BCKDHB: variants seen among roughly 807,000 people sequenced by gnomAD.
BCKDHB encodes 2-oxoisovalerate dehydrogenase subunit beta, mitochondrial.
BCKDHB carries 41 observed loss-of-function variants against 48.5 expected under a neutral mutation model. The observed-to-expected ratio is 0.85, with a 90% CI of 0.66 to 1.10. The LOEUF is 1.10. Among genes scored for constraint, BCKDHB ranks in the 50% least tolerant of loss-of-function variants. The pLI is 0.00. For synonymous variants in BCKDHB, 201 were observed against 174.8 expected, an observed-to-expected ratio of 1.15 and a Z score of -1.18; for missense variants, 496 against 494.2, an observed-to-expected ratio of 1.00 and a Z score of -0.03.
intron 9 of BCKDHB, among the ~76,000 whole-genome samples, chr6:80,312,437 C>A (rs1768213719): frequency 6.6e-6 from 1 of 152,108 alleles, no homozygotes; most frequent in African/African-American, 2.4e-5. Context: ...TGCCTGATTG[C>A]CCTAGCCAGA....
In BCKDHB at chr6:80,218,709, A is replaced by G. The variant is rs77569029; in HGVS notation, c.951+15497A>G. 9.1e-3 allele frequency among the ~76,000 whole-genome samples: 1,386 copies of G among 152,262 alleles called. 14 individuals are homozygous for G. The highest frequency in any genetic ancestry group is 0.016 in the Non-Finnish European group (1,102 of 68,014). ...TTTTGACCTCTCACTATGTAAGAAG[A>G]TGATGTTAATGCCCTCTACTCCTAT... On this transcript the variant is annotated intron_variant, in intron 8 of 9. Coordinates refer to ENST00000320393, the MANE Select transcript of BCKDHB (RefSeq NM_183050.4).
At chr6:80,144,843 C>G (rs1771400318) in intron 3 of BCKDHB, among the ~76,000 whole-genome samples, 1 of 152,120 alleles carries the variant, frequency 6.6e-6, no homozygotes, top group African/African-American at 2.4e-5. Flanking sequence ...ATTCATTTTA[C>G]TAAGGGAGCA....
the BCKDHB span, among the ~76,000 whole-genome samples, chr6:80,430,497 C>CT: frequency 3.4e-3 from 520 of 152,138 alleles, 3 homozygotes; most frequent in Middle Eastern, 0.027. Context: ...TGGTCCTGGA[C>CT]TTTTTTTGGT....
the BCKDHB span, among the ~76,000 whole-genome samples, chr6:80,419,834 A>C: frequency 6.6e-6 from 1 of 151,722 alleles, no homozygotes; most frequent in South Asian, 2.1e-4. Flanking sequence ...TCTTTTAATT[A>C]TTTTTTTTCT....
intron 8 of BCKDHB, among the ~76,000 whole-genome samples, chr6:80,254,580 G>A (rs892614709): frequency 1.3e-5 from 2 of 151,962 alleles, no homozygotes; most frequent in African/African-American, 4.8e-5. Flanking sequence ...TCCACCTTTG[G>A]TCCCATCTAC....
chr6:80,129,301 C>T, intron 3 of BCKDHB, 72 bp downstream of exon 3: 2 of 1,340,926 alleles, frequency 1.5e-6, no homozygotes, highest in Non-Finnish European at 2.1e-6. Flanking sequence ...ACAAAATATG[C>T]CTACTAAATT....
chr6:80,418,817 G>C, the BCKDHB span, among the ~76,000 whole-genome samples: 1 of 152,182 alleles, frequency 6.6e-6, no homozygotes, highest in African/African-American at 2.4e-5. Flanking sequence ...GCTAGTGGGT[G>C]CCGGGGTTCC....
At chr6:80,261,685 C>T (rs775555502) in intron 8 of BCKDHB, among the ~76,000 whole-genome samples, 3 of 152,010 alleles carry the variant, frequency 2.0e-5, no homozygotes, top group Non-Finnish European at 4.4e-5. Context: ...TCCTTTCTTA[C>T]CCAGCCTTAT....
chr6:80,259,376 T>C lies in BCKDHB; in HGVS notation c.952-13759T>C, dbSNP rs542991963. On this transcript the variant is annotated intron_variant, in intron 8 of 9. Transcript: ENST00000320393. ...CAGGGTAAAGTGATACGCTTTGGCA[T>C]CATAAAGTAGTAGGACCGGGGAGCA... Among the ~76,000 whole-genome samples, 411 of 152,310 alleles carry C rather than the reference T, an allele frequency of 2.7e-3. 2 individuals are homozygous for C. Among genetic ancestry groups the C allele is most frequent in the African/African-American group, 9.2e-3 (381 of 41,574 alleles).
chr6:80,364,423 G>C, the BCKDHB span, among the ~76,000 whole-genome samples: 1 of 152,146 alleles, frequency 6.6e-6, no homozygotes, highest in Non-Finnish European at 1.5e-5. Flanking sequence ...AGGAGATCCA[G>C]GTCTATTTGT....
intron 3 of BCKDHB, among the ~76,000 whole-genome samples, chr6:80,160,401 G>T (rs141261900): frequency 1.0e-3 from 152 of 152,070 alleles, no homozygotes; most frequent in South Asian, 9.8e-3. Flanking sequence ...CAAGTGATCC[G>T]CCCACCTCAG....
the BCKDHB span, chr6:80,356,482 G>T: frequency 6.6e-6 from 1 of 151,984 alleles, no homozygotes; most frequent in Non-Finnish European, 1.5e-5. Context: ...ATAGTAACAT[G>T]GTCATTACAT....
Position 80,201,187 on chromosome 6 carries a change from T to G in BCKDHB, c.840+156T>G, listed in dbSNP as rs77952351. On this transcript the variant is annotated intron_variant, in intron 7 of 9. Coordinates refer to ENST00000320393, the MANE Select transcript of BCKDHB (RefSeq NM_183050.4). ...TAATTTCTTTTTTCCCTCAACTTTATTGGTGTGTAATTGACAAATGAAATT... is the reference window on the plus strand; with the variant it reads ...TAATTTCTTTTTTCCCTCAACTTTAGTGGTGTGTAATTGACAAATGAAATT... 9.3e-3 allele frequency among the ~76,000 whole-genome samples: 1,423 copies of G among 152,324 alleles called. 30 individuals carry two copies. Among genetic ancestry groups the G allele is most frequent in the African/African-American group, 0.033 (1,354 of 41,572 alleles).
At chr6:80,343,437 T>TATATA in intron 9 of BCKDHB, 1 of 569,350 alleles carries the variant, frequency 1.8e-6, no homozygotes, top group Non-Finnish European at 3.1e-6. Context: ...AGACAATAGA[T>TATATA]ATATATACAG....
chr6:80,145,451 AC>A (rs1421004795), intron 3 of BCKDHB, among the ~76,000 whole-genome samples: 1 of 152,180 alleles, frequency 6.6e-6, no homozygotes, highest in African/African-American at 2.4e-5. Context: ...CTAAGTAAAA[AC>A]AATGGGCTTG....
At chr6:80,193,167 T>G (rs1239525859) in intron 6 of BCKDHB, among the ~76,000 whole-genome samples, 1 of 152,162 alleles carries the variant, frequency 6.6e-6, no homozygotes, top group Non-Finnish European at 1.5e-5. Flanking sequence ...TATCTCATTA[T>G]GCAAAAGAAC....
At chr6:80,375,534 T>A in the BCKDHB span, among the ~76,000 whole-genome samples, 1 of 152,162 alleles carries the variant, frequency 6.6e-6, no homozygotes, top group African/African-American at 2.4e-5. Context: ...TGTATTTCAC[T>A]GAAGATTTTT....
At chr6:80,458,702 A>G in the BCKDHB span, among the ~76,000 whole-genome samples, 2 of 152,324 alleles carry the variant, frequency 1.3e-5, no homozygotes, top group East Asian at 1.9e-4. Flanking sequence ...TCAATAAATG[A>G]TAGTTATTAT....
At chr6:80,339,231 T>C (rs1298078110) in intron 9 of BCKDHB, among the ~76,000 whole-genome samples, 3 of 152,176 alleles carry the variant, frequency 2.0e-5, no homozygotes, top group Non-Finnish European at 4.4e-5. Flanking sequence ...ATTACATTCA[T>C]CAAAACATGG....
Sources: allele counts gnomAD v4.1 joint callset (sites outside exome capture counted in the v4.1 genomes callset), GRCh38; gene constraint gnomAD v4.1.1; transcripts MANE v1.5; gene names NCBI Gene and HGNC (gene_info 2026-07-23, HGNC 2026-07-21).